The following FRMPD4 variants were observed in gnomAD, a reference collection of about 807,000 sequenced individuals.
The protein encoded by FRMPD4 is FERM and PDZ domain-containing protein 4.
A neutral mutation model predicts 94.1 loss-of-function variants in FRMPD4; 22 were observed. That is an observed-to-expected ratio of 0.23 (90% CI 0.17 to 0.33). FRMPD4 has a LOEUF of 0.33. Ranked by LOEUF, FRMPD4 falls within the 10% of genes least tolerant of loss-of-function variation. The pLI, the probability that FRMPD4 is intolerant of heterozygous loss-of-function variation, is 1.00. For missense variants in FRMPD4, 1,111 were observed against 1,339.9 expected, an observed-to-expected ratio of 0.83 and a Z score of 2.67; for synonymous variants, 631 against 548.6, an observed-to-expected ratio of 1.15 and a Z score of -2.10.
intron 7 of FRMPD4, among the ~76,000 whole-genome samples, chrX:12,687,188 A>T (rs191652143): frequency 2.7e-5 from 3 of 112,274 alleles, no homozygotes; most frequent in African/African-American, 9.7e-5. Context: ...CTCGTTTTGA[A>T]TTGCTATAAG....
At chrX:11,873,663 T>A (rs2147307674) in intron 2 of FRMPD4, among the ~76,000 whole-genome samples, 1 of 108,729 alleles carries the variant, frequency 9.2e-6, no homozygotes, top group African/African-American at 3.3e-5. Context: ...TGTCCCTAAC[T>A]GATCTATAGA....
At chrX:11,954,829 C>T (rs1437142588) in intron 3 of FRMPD4, among the ~76,000 whole-genome samples, 1 of 109,594 alleles carries the variant, frequency 9.1e-6, no homozygotes, top group Non-Finnish European at 1.9e-5. Context: ...TGTTCCTGAC[C>T]TTGTTGGTGT....
At chrX:12,508,608 C>A (rs2058009368) in intron 2 of FRMPD4, among the ~76,000 whole-genome samples, 1 of 111,740 alleles carries the variant, frequency 8.9e-6, no homozygotes, top group African/African-American at 3.2e-5. Context: ...GTTTCTGAAG[C>A]CTTATATTCA....
intron 1 of FRMPD4, among the ~76,000 whole-genome samples, chrX:11,829,850 G>A (rs750710311): frequency 6.3e-5 from 7 of 111,926 alleles, no homozygotes; most frequent in African/African-American, 1.6e-4. Context: ...AGGGAAACTC[G>A]TTCAATTTAT....
At chrX:12,235,113 A>G (rs1481272978) in intron 1 of FRMPD4, among the ~76,000 whole-genome samples, 9 of 111,977 alleles carry the variant, frequency 8.0e-5, no homozygotes, top group Admixed American at 7.6e-4. Context: ...CATCCTATCA[A>G]CATATGCTAT....
chrX:12,210,445 C>G (rs1349593993), intron 1 of FRMPD4, among the ~76,000 whole-genome samples: 1 of 111,549 alleles, frequency 9.0e-6, no homozygotes, highest in Non-Finnish European at 1.9e-5. Context: ...AGTCACACAT[C>G]TTCCCTCAGA....
At chrX:12,606,591 C>T (rs1017391080) in intron 2 of FRMPD4, among the ~76,000 whole-genome samples, 14 of 111,257 alleles carry the variant, frequency 1.3e-4, no homozygotes, top group African/African-American at 4.3e-4. Context: ...TGCTTGGAAC[C>T]GAGAGTTGCA....
chrX:12,014,705 C>CTGTG (rs199853667), intron 3 of FRMPD4, among the ~76,000 whole-genome samples: 1 of 110,410 alleles, frequency 9.1e-6, no homozygotes, highest in Non-Finnish European at 1.9e-5. Context: ...GAGTGTGTGT[C>CTGTG]TGTGTGTGTG....
At position 12,119,979 on chromosome X, in the gene FRMPD4, T is replaced by G. The variant is rs1408337353; in HGVS notation, c.95+241961T>G. ...AGAAATGAAAGACAAGTAAAGAAAT[T>G]GTGTAATATTTTTTCTTAATGAACT... On this transcript the variant is annotated intron_variant, in intron 3 of 18. Transcript: ENST00000640291. Among the ~76,000 whole-genome samples, 3 of 112,010 alleles carry G rather than the reference T, an allele frequency of 2.7e-5. No homozygotes were observed. In the East Asian group the frequency reaches 8.4e-4, roughly 31 times the overall value.
intron 1 of FRMPD4, among the ~76,000 whole-genome samples, chrX:12,419,019 G>A (rs1237679422): frequency 1.8e-5 from 2 of 111,392 alleles, no homozygotes; most frequent in Non-Finnish European, 3.8e-5. Context: ...TTTATTCATT[G>A]GATTTCTTAA....
At chrX:11,889,737 A>G (rs1181238991) in intron 3 of FRMPD4, among the ~76,000 whole-genome samples, 1 of 111,954 alleles carries the variant, frequency 8.9e-6, no homozygotes, top group African/African-American at 3.2e-5. Flanking sequence ...TAGCTACGTA[A>G]AGCTGGGAAG....
At chrX:12,075,900 T>C (rs1000247963) in intron 3 of FRMPD4, among the ~76,000 whole-genome samples, 3 of 112,038 alleles carry the variant, frequency 2.7e-5, no homozygotes, top group Non-Finnish European at 5.6e-5. Context: ...ACCCTTTCCT[T>C]AGGAATGTTT....
intron 2 of FRMPD4, among the ~76,000 whole-genome samples, chrX:12,583,230 C>T (rs1334546318): frequency 2.7e-5 from 3 of 113,204 alleles, no homozygotes; most frequent in East Asian, 2.8e-4. Flanking sequence ...GGCAAGAATT[C>T]TGCAATTGCA....
rs1306593398 is a variant in FRMPD4, at chrX:12,720,735, G to T, written c.4166G>T (p.Gly1389Val). ...AGCTGGCGGCCACCGGATCTGAGAGGGGGGAGCCTCAGGACACCTCCCAGC... is the reference window on the plus strand; with the variant it reads ...AGCTGGCGGCCACCGGATCTGAGAGTGGGGAGCCTCAGGACACCTCCCAGC... ...AVSWRPPDLR[G>V]GSLRTPPSQK... Residue 1389 changes from glycine (G) to valine (V), a missense_variant, in exon 17 of 17, where the codon GGG (glycine) becomes GTG (valine). Physicochemically the swap from Gly to Val is moderately radical, Grantham distance 109. Around this residue, in one of 8 missense-constraint regions of FRMPD4, gnomAD observed 551 missense variants for 591.6 expected, o/e 0.93. Transcript: ENST00000675598. 9.4e-6 allele frequency: 10 copies of T among 1,064,614 alleles called. No homozygotes were observed. The highest frequency in any genetic ancestry group is 1.2e-5 in the Non-Finnish European group (10 of 828,077). The allele number at this position is 1,064,614 out of a possible 1,213,427, so 87.7% of individuals were successfully genotyped here. A position where few individuals can be genotyped will look rare whatever the true frequency, so the allele number is the denominator to read the frequency against.
At chrX:12,693,721 C>G (rs756309501) in intron 8 of FRMPD4, among the ~76,000 whole-genome samples, 84 of 112,224 alleles carry the variant, frequency 7.5e-4, no homozygotes, top group Non-Finnish European at 1.3e-3. Flanking sequence ...CAATGTTATG[C>G]AATAATAAAC....
chrX:12,229,826 G>A (rs1165947801), intron 1 of FRMPD4, among the ~76,000 whole-genome samples: 1 of 111,958 alleles, frequency 8.9e-6, no homozygotes, highest in East Asian at 2.8e-4. Context: ...TTCTTTGTTT[G>A]TTAATCCTTG....
At position 11,973,649 on chromosome X, in the gene FRMPD4, T is replaced by G. The variant is rs112624560; in HGVS notation, c.95+95631T>G. The stretch of plus-strand genomic sequence containing the variant: ...GGAAGAAGGCCTCTGTATGATTCTA[T>G]GCTGATAAGTGTTCGTTCTTCATTT... On this transcript the variant is annotated intron_variant, in intron 3 of 18. Coordinates refer to the FRMPD4 transcript ENST00000640291. Among the ~76,000 whole-genome samples the G allele has an allele frequency of 6.2e-3, 692 of 112,396 alleles. 3 individuals are homozygous for G. Among genetic ancestry groups the G allele is most frequent in the African/African-American group, 0.021 (663 of 30,934 alleles).
At chrX:11,895,056 A>C (rs1483114425) in intron 3 of FRMPD4, among the ~76,000 whole-genome samples, 1 of 112,121 alleles carries the variant, frequency 8.9e-6, no homozygotes, top group Non-Finnish European at 1.9e-5. Flanking sequence ...TGCTCCAAGG[A>C]CCAGAAAATA....
chrX:12,102,136 C>A (rs1281028965), intron 3 of FRMPD4, among the ~76,000 whole-genome samples: 1 of 111,970 alleles, frequency 8.9e-6, no homozygotes, highest in Non-Finnish European at 1.9e-5. Flanking sequence ...TGGCAGAGTG[C>A]AGTGGGGTTC....
Sources: allele counts gnomAD v4.1 joint callset (sites outside exome capture counted in the v4.1 genomes callset), GRCh38; gene constraint gnomAD v4.1.1; regional missense constraint gnomAD v4.1.1; transcripts MANE v1.5; gene names NCBI Gene and HGNC (gene_info 2026-07-23, HGNC 2026-07-21).